STRN: variants seen among roughly 807,000 people sequenced by gnomAD.
STRN encodes protein phosphatase 2 regulatory subunit B'''alpha.
A neutral mutation model predicts 96.3 loss-of-function variants in STRN; 53 were observed. That is an observed-to-expected ratio of 0.55 (90% confidence interval 0.44 to 0.69). The LOEUF (loss-of-function observed/expected upper bound fraction) is 0.69, where lower values mean the gene tolerates loss of function less well. Among genes scored for constraint, STRN ranks in the 30% least tolerant of loss-of-function variants. The probability of loss-of-function intolerance (pLI) is 0.00; values close to 1 mark genes in which losing one functional copy is unlikely to be tolerated. For synonymous variants in STRN, 428 were observed against 355.9 expected (o/e 1.20, Z -2.28); for missense variants, 987 against 963.9 (o/e 1.02, Z -0.32).
At chr2:36,903,547 T>C (rs1342006873) in intron 4 of STRN, among the ~76,000 whole-genome samples, 1 of 152,080 alleles carries the variant, frequency 6.6e-6, no homozygotes, top group Admixed American at 6.6e-5. Flanking sequence ...AAAAGGTAAA[T>C]GCCATTAATA....
intron 1 of STRN, among the ~76,000 whole-genome samples, chr2:36,944,940 C>T (rs1049710720): frequency 6.6e-6 from 1 of 152,140 alleles, no homozygotes; most frequent in Non-Finnish European, 1.5e-5. Context: ...GGATCACATA[C>T]TGCAAATGGG....
chr2:36,961,112 G>A (rs1356850296), intron 1 of STRN, among the ~76,000 whole-genome samples: 1 of 104,472 alleles, frequency 9.6e-6, no homozygotes, highest in East Asian at 2.2e-4. Context: ...TGCCCAGGCT[G>A]CACTTTTTTT....
intron 10 of STRN, among the ~76,000 whole-genome samples, chr2:36,872,795 C>T (rs935217628): frequency 1.3e-5 from 2 of 151,906 alleles, no homozygotes; most frequent in African/African-American, 4.8e-5. Flanking sequence ...CTAGCCATGG[C>T]AAATCAGGAA....
rs567354972 is a variant in STRN, at chr2:36,932,647, G to A, written c.235-7439C>T. ...GATGAGGGTCTCTCTTTGCTGCCAGGTTAGGAGTACAGTGGCATGATCATA... is the reference window on the plus strand; with the variant it reads ...GATGAGGGTCTCTCTTTGCTGCCAGATTAGGAGTACAGTGGCATGATCATA... On this transcript the variant is annotated intron_variant, in intron 1 of 17. Coordinates refer to ENST00000263918, the MANE Select transcript of STRN (RefSeq NM_003162.4). 1.4e-4 allele frequency among the ~76,000 whole-genome samples: 22 copies of A among 152,142 alleles called. No homozygotes were observed. In the South Asian group the frequency reaches 4.4e-3, roughly 30 times the overall value.
intron 2 of STRN, 22 bp from the exon 3 acceptor site, chr2:36,916,173 A>G: frequency 6.3e-7 from 1 of 1,584,132 alleles, no homozygotes; most frequent in Non-Finnish European, 8.7e-7. Context: ...ATGAGAAAAT[A>G]CAGACCATCT....
intron 1 of STRN, among the ~76,000 whole-genome samples, chr2:36,963,051 T>C (rs1193654049): frequency 6.6e-6 from 1 of 152,120 alleles, no homozygotes; most frequent in East Asian, 1.9e-4. Context: ...TACTGCCTAA[T>C]CTCAACTGGA....
chr2:36,921,629 A>C (rs182090469), intron 2 of STRN, among the ~76,000 whole-genome samples: 6 of 152,188 alleles, frequency 3.9e-5, no homozygotes, highest in Non-Finnish European at 5.9e-5. Flanking sequence ...TATCTTTCTC[A>C]TTCACCCACT....
intron 1 of STRN, among the ~76,000 whole-genome samples, chr2:36,952,988 C>G (rs1000842108): frequency 1.3e-4 from 20 of 152,336 alleles, no homozygotes; most frequent in Admixed American, 2.0e-4. Context: ...AATTTTCCAT[C>G]AGGTGAAACT....
chr2:36,866,583 C>T (rs1016296852), intron 12 of STRN, among the ~76,000 whole-genome samples: 2 of 152,022 alleles, frequency 1.3e-5, no homozygotes, highest in Admixed American at 1.3e-4. Context: ...GTTCAGGTCC[C>T]GAATATTTTA....
In STRN at chr2:36,907,421, T is replaced by C. The variant is rs1006991617; in HGVS notation, c.413-1803A>G. ...AACCTTAGCCAGGCGTGGTGGCACA[T>C]GCCTGTTTCCCAGCTACTCAGGAGG... On this transcript the variant is annotated intron_variant, in intron 3 of 17. Coordinates refer to ENST00000263918, the MANE Select transcript of STRN (RefSeq NM_003162.4). 3.3e-5 allele frequency among the ~76,000 whole-genome samples: 5 copies of C among 152,216 alleles called. No individual in the cohort carries two copies. In the South Asian group the frequency reaches 8.3e-4, roughly 25 times the overall value.
chr2:36,941,566 T>G (rs1670844717), intron 1 of STRN, among the ~76,000 whole-genome samples: 1 of 151,976 alleles, frequency 6.6e-6, no homozygotes, highest in African/African-American at 2.4e-5. Flanking sequence ...TTTTTTTTTT[T>G]GAGATGGAGT....
chr2:36,950,069 A>G (rs1000187948), intron 1 of STRN, among the ~76,000 whole-genome samples: 5 of 152,178 alleles, frequency 3.3e-5, no homozygotes, highest in African/African-American at 1.2e-4. Flanking sequence ...AGACTAGTAA[A>G]AAAAACTGAA....
In STRN at chr2:36,849,385, C is replaced by A. The variant is rs1431809044; in HGVS notation, c.*71G>T. On this transcript the variant is annotated 3_prime_UTR_variant, in exon 18 of 18. Transcript: ENST00000263918. ...AGGGCAGGACGAGATGATTCTTGCC[C>A]TCGTCTTCTGTATCTCTTGTGTGCA... The A allele has an allele frequency of 2.8e-5, 44 of 1,547,688 alleles. No homozygotes were observed. Among genetic ancestry groups the A allele is most frequent in the Non-Finnish European group, 3.7e-5 (42 of 1,135,942 alleles).
rs1314756009 is a variant in STRN at position 36,846,387 on chromosome 2, T to TTTTATA, written c.*3068_*3069insTATAAA. Reference sequence around the variant, plus strand: ...CAAAACAGTAAAATGCACCTATGGTTTATATATATATATATATATATATAT... The same window carrying TTTTATA: ...CAAAACAGTAAAATGCACCTATGGTTTTTATATATATATATATATATATATATATAT... On this transcript the variant is annotated 3_prime_UTR_variant, in exon 18 of 18. Coordinates refer to ENST00000263918, the MANE Select transcript of STRN (RefSeq NM_003162.4). 6.1e-3 allele frequency: 476 copies of TTTTATA among 78,324 alleles called. 12 individuals are homozygous for TTTTATA. The highest frequency in any genetic ancestry group is 7.6e-3 in the Non-Finnish European group (353 of 46,184). 4.9% of individuals were successfully genotyped at this position (78,324 alleles called of 1,614,324 possible).
At chr2:36,928,067 A>G (rs1572681246) in intron 1 of STRN, among the ~76,000 whole-genome samples, 2 of 152,226 alleles carry the variant, frequency 1.3e-5, no homozygotes, top group African/African-American at 2.4e-5. Context: ...AATAATGTCA[A>G]TCTTTTACCT....
chr2:36,873,923 C>A (rs373577233), intron 10 of STRN, among the ~76,000 whole-genome samples: 2 of 129,054 alleles, frequency 1.5e-5, no homozygotes, highest in African/African-American at 2.9e-5. Context: ...AGTCTGGCGA[C>A]AAAGCGAGAC....
chr2:36,920,047 A>C (rs1670210039), intron 2 of STRN, among the ~76,000 whole-genome samples: 1 of 151,170 alleles, frequency 6.6e-6, no homozygotes, highest in Non-Finnish European at 1.5e-5. Flanking sequence ...AAAATCATGT[A>C]AAATCATGAT....
chr2:36,915,632 C>A (rs1355254573), intron 3 of STRN, among the ~76,000 whole-genome samples: 1 of 152,148 alleles, frequency 6.6e-6, no homozygotes, highest in Non-Finnish European at 1.5e-5. Context: ...AGTTTTCCAC[C>A]TGAAACCGAA....
chr2:36,855,329 C>G lies in STRN; in HGVS notation c.1861G>C (p.Asp621His). 1 of 1,613,366 alleles carries G rather than the reference C, an allele frequency of 6.2e-7. No individual in the cohort carries two copies. The highest frequency in any genetic ancestry group is 8.5e-7 in the Non-Finnish European group (1 of 1,179,656). ...TKELGIPASV[D>H]LVSSDPSHMV... ...TGGCTCGGGTCACTGCTCACTAGAT[C>G]CACAGAGGCAGGGATTCCCAGTTCT... The change falls in exon 15 of 18, where the codon GAT (aspartate) becomes CAT (histidine). Residue 621 changes from aspartate (D) to histidine (H), a missense_variant. Coordinates refer to ENST00000263918, the MANE Select transcript of STRN (RefSeq NM_003162.4).
Sources: allele counts gnomAD v4.1 joint callset (sites outside exome capture counted in the v4.1 genomes callset), GRCh38; gene constraint gnomAD v4.1.1; transcripts MANE v1.5; gene names NCBI Gene and HGNC (gene_info 2026-07-23, HGNC 2026-07-21).